TCEA1: variants seen among roughly 807,000 people sequenced by gnomAD.
TCEA1 encodes the protein transcription elongation factor A protein 1.
A neutral mutation model predicts 43.8 loss-of-function variants in TCEA1; 21 were observed. The ratio of observed to expected loss-of-function variants is 0.48; its 90% CI spans 0.34 to 0.69. The LOEUF (loss-of-function observed/expected upper bound fraction) is 0.69, where lower values mean the gene tolerates loss of function less well. Ranked by LOEUF, TCEA1 falls within the 30% of genes least tolerant of loss-of-function variation. TCEA1 has a pLI of 0.01. For synonymous variants in TCEA1, 104 were observed against 117.5 expected, an observed-to-expected ratio of 0.88 and a Z score of 0.75; for missense variants, 250 against 365.1, an observed-to-expected ratio of 0.68 and a Z score of 2.57.
At chr8:53,980,640 C>T (rs948090663) in intron 7 of TCEA1, among the ~76,000 whole-genome samples, 1 of 151,992 alleles carries the variant, frequency 6.6e-6, no homozygotes, top group Non-Finnish European at 1.5e-5. Context: ...GTGTGTGTTC[C>T]GACTGCTCCA....
At chr8:53,987,146 T>G in intron 5 of TCEA1, 121 bp from the exon 6 acceptor site, 1 of 806,670 alleles carries the variant, frequency 1.2e-6, no homozygotes. Flanking sequence ...AAAGAAACCG[T>G]TCAGTTTAGT....
intron 1 of TCEA1, among the ~76,000 whole-genome samples, chr8:54,014,355 TC>T (rs1182419219): frequency 6.6e-6 from 1 of 152,090 alleles, no homozygotes. Context: ...CAGCCTGTAA[TC>T]CCAGCACTCT....
intron 2 of TCEA1, among the ~76,000 whole-genome samples, chr8:54,004,826 A>G (rs1804388796): frequency 6.6e-6 from 1 of 152,132 alleles, no homozygotes; most frequent in Admixed American, 6.6e-5. Flanking sequence ...TATCCTTTTA[A>G]TAAGTTCCAA....
intron 2 of TCEA1, among the ~76,000 whole-genome samples, chr8:54,009,189 T>G (rs1586032554): frequency 1.3e-5 from 2 of 149,342 alleles, no homozygotes; most frequent in Non-Finnish European, 3.0e-5. Flanking sequence ...CAGATGCTGG[T>G]GAAGGTGCAG....
chr8:54,008,656 T>C (rs1021479141), intron 2 of TCEA1, among the ~76,000 whole-genome samples: 2 of 125,474 alleles, frequency 1.6e-5, no homozygotes, highest in African/African-American at 7.2e-5. Context: ...ACAGAGACCT[T>C]ATCTTAAAAA....
At chr8:53,986,868 T>C in intron 6 of TCEA1, 101 bp downstream of exon 6, 4 of 827,738 alleles carry the variant, frequency 4.8e-6, no homozygotes, top group Non-Finnish European at 7.5e-6. Context: ...CCTAATTCAT[T>C]GGAAGGACTA....
chr8:53,993,855 A>T, intron 3 of TCEA1, 100 bp from the exon 4 acceptor site: 1 of 914,006 alleles, frequency 1.1e-6, no homozygotes, highest in East Asian at 2.4e-5. Flanking sequence ...CTAAAATCCT[A>T]AGTTTCCTAC....
chr8:53,974,985 A>C (rs568960031), intron 8 of TCEA1, among the ~76,000 whole-genome samples: 2 of 152,276 alleles, frequency 1.3e-5, no homozygotes, highest in South Asian at 4.1e-4. Context: ...AGCTATTAAA[A>C]TAATTTATTT....
At chr8:54,003,204 T>C (rs929365531) in intron 2 of TCEA1, 1 of 376,206 alleles carries the variant, frequency 2.7e-6, no homozygotes, top group Non-Finnish European at 5.2e-6. Context: ...TAAAACATTT[T>C]TGAAAGAAAT....
intron 2 of TCEA1, chr8:54,009,740 G>T (rs1214584355): frequency 6.6e-6 from 1 of 152,206 alleles, no homozygotes; most frequent in Non-Finnish European, 1.5e-5. Flanking sequence ...GAAGGAATAA[G>T]TTCTAAGGTT....
intron 7 of TCEA1, 150 bp downstream of exon 7, chr8:53,984,213 C>T: frequency 3.1e-6 from 2 of 651,618 alleles, no homozygotes; most frequent in Non-Finnish European, 4.7e-6. Flanking sequence ...GACACAATCA[C>T]CTTAAGTATT....
intron 7 of TCEA1, among the ~76,000 whole-genome samples, chr8:53,981,568 T>C (rs1487644714): frequency 6.6e-6 from 1 of 152,190 alleles, no homozygotes; most frequent in Non-Finnish European, 1.5e-5. Flanking sequence ...ACCCCACTAT[T>C]GAGACCTACT....
chr8:54,014,172 T>C (rs532616836), intron 1 of TCEA1, among the ~76,000 whole-genome samples: 1 of 152,266 alleles, frequency 6.6e-6, no homozygotes, highest in African/African-American at 2.4e-5. Context: ...GGTAGTAAGG[T>C]CATGAACTAG....
intron 8 of TCEA1, among the ~76,000 whole-genome samples, chr8:53,975,076 G>A (rs1585988855): frequency 6.6e-6 from 1 of 151,804 alleles, no homozygotes; most frequent in African/African-American, 2.4e-5. Context: ...AAATAAAAGA[G>A]CAAAATATTT....
intron 8 of TCEA1, chr8:53,972,412 A>G: frequency 1.8e-6 from 1 of 553,340 alleles, no homozygotes. Context: ...AATGAAGATG[A>G]TATGGCAGAT....
At position 54,022,035 on chromosome 8, in the gene TCEA1, C is replaced by T. The variant is rs971079022; in HGVS notation, c.63+28G>A. The T allele has an allele frequency of 5.1e-6, 8 of 1,574,150 alleles. No homozygotes were observed. In the African/African-American group the frequency reaches 5.7e-5, roughly 11 times the overall value. Reference sequence around the variant, plus strand: ...GGCCGGACCGCGGCCCGGCCTCCCTCCCGGCCCGCGCCGCTCGCCGCGCTC... The same window carrying T: ...GGCCGGACCGCGGCCCGGCCTCCCTTCCGGCCCGCGCCGCTCGCCGCGCTC... On this transcript the variant is annotated intron_variant, in intron 1 of 9. Coordinates refer to ENST00000521604, the MANE Select transcript of TCEA1 (RefSeq NM_006756.4).
intron 8 of TCEA1, among the ~76,000 whole-genome samples, chr8:53,975,771 G>C (rs1013468756): frequency 1.2e-4 from 18 of 152,140 alleles, no homozygotes; most frequent in Non-Finnish European, 2.4e-4. Context: ...TGGGTAAAGA[G>C]TTTCACTTTT....
intron 4 of TCEA1, among the ~76,000 whole-genome samples, chr8:53,988,742 A>G (rs2129303995): frequency 6.6e-6 from 1 of 152,224 alleles, no homozygotes; most frequent in East Asian, 1.9e-4. Flanking sequence ...GCTTTCAACC[A>G]AAACTAGAGA....
At chr8:53,983,259 T>C (rs1407320970) in intron 7 of TCEA1, among the ~76,000 whole-genome samples, 1 of 152,086 alleles carries the variant, frequency 6.6e-6, no homozygotes, top group Non-Finnish European at 1.5e-5. Context: ...AACTTTTATA[T>C]GTACTGGAAA....
Sources: allele counts gnomAD v4.1 joint callset (sites outside exome capture counted in the v4.1 genomes callset), GRCh38; gene constraint gnomAD v4.1.1; transcripts MANE v1.5; gene names NCBI Gene and HGNC (gene_info 2026-07-23, HGNC 2026-07-21).